The following NXPH1 variants were observed in gnomAD, a reference collection of about 807,000 sequenced individuals.
The protein encoded by NXPH1 is neurexophilin-1.
Under a neutral mutation model 23.7 loss-of-function variants are expected in NXPH1, and 5 were observed. The ratio of observed to expected loss-of-function variants is 0.21; its 90% confidence interval spans 0.11 to 0.44. The LOEUF is 0.44. NXPH1 is among the 20% of genes least tolerant of loss of function. The pLI is 0.99. For synonymous variants in NXPH1, 144 were observed against 122.2 expected, an observed-to-expected ratio of 1.18 and a Z score of -1.18; for missense variants, 324 against 321.6, an observed-to-expected ratio of 1.01 and a Z score of -0.06.
At chr7:8,619,507 T>G (rs548278927) in intron 2 of NXPH1, among the ~76,000 whole-genome samples, 1 of 152,222 alleles carries the variant, frequency 6.6e-6, no homozygotes, top group Non-Finnish European at 1.5e-5. Context: ...ATCAATAATT[T>G]AAGCCTTTAT....
intron 2 of NXPH1, among the ~76,000 whole-genome samples, chr7:8,534,012 T>C (rs866334348): frequency 6.6e-6 from 1 of 152,134 alleles, no homozygotes. Flanking sequence ...TTTGACCAAA[T>C]GTTAACAACA....
chr7:8,695,767 G>A (rs1821299615), intron 2 of NXPH1, among the ~76,000 whole-genome samples: 1 of 152,124 alleles, frequency 6.6e-6, no homozygotes. Context: ...GCCTACAAAT[G>A]TTAAGATTCA....
At chr7:8,456,552 C>A (rs185032539) in intron 2 of NXPH1, among the ~76,000 whole-genome samples, 30 of 152,250 alleles carry the variant, frequency 2.0e-4, no homozygotes, top group Non-Finnish European at 3.5e-4. Context: ...ATCTGCTTCT[C>A]TTCCAGGCCA....
chr7:8,682,993 T>C (rs1821081369), intron 2 of NXPH1, among the ~76,000 whole-genome samples: 1 of 152,240 alleles, frequency 6.6e-6, no homozygotes, highest in Non-Finnish European at 1.5e-5. Context: ...TATATTTTTC[T>C]GTTTTGCATT....
At chr7:8,540,567 G>C (rs2128618408) in intron 2 of NXPH1, among the ~76,000 whole-genome samples, 1 of 151,892 alleles carries the variant, frequency 6.6e-6, no homozygotes, top group African/African-American at 2.4e-5. Flanking sequence ...AGTGAATGGG[G>C]AGGTCAAGGC....
chr7:8,743,397 G>A (rs768925543), intron 2 of NXPH1, among the ~76,000 whole-genome samples: 4 of 116,412 alleles, frequency 3.4e-5, no homozygotes, highest in Admixed American at 9.2e-5. Context: ...ATATATAAAA[G>A]AGATATACAA....
At chr7:8,679,287 A>G (rs1821014548) in intron 2 of NXPH1, among the ~76,000 whole-genome samples, 1 of 152,088 alleles carries the variant, frequency 6.6e-6, no homozygotes, top group Non-Finnish European at 1.5e-5. Flanking sequence ...ATTTTAAGAA[A>G]TAGTTCTGTA....
intron 2 of NXPH1, among the ~76,000 whole-genome samples, chr7:8,552,934 T>C (rs541385929): frequency 5.0e-4 from 76 of 151,656 alleles, no homozygotes; most frequent in African/African-American, 1.8e-3. Context: ...ATGAAGTGTA[T>C]TGAAAAGTAG....
chr7:8,544,427 C>G (rs190332422), intron 2 of NXPH1, among the ~76,000 whole-genome samples: 31 of 151,652 alleles, frequency 2.0e-4, no homozygotes, highest in Admixed American at 1.2e-3. Context: ...CAGTTGAAAA[C>G]CTCTACTTAC....
chr7:8,701,408 G>C lies in NXPH1; in HGVS notation c.55-49600G>C, dbSNP rs144158131. On this transcript the variant is annotated intron_variant, in intron 2 of 2. Transcript: ENST00000405863. Reference sequence around the variant, plus strand: ...CTAGTCTCATCTCCTGTGGCTGCCTGTTCCCTCCTCTTGCACCTCTTGCAT... The same window carrying C: ...CTAGTCTCATCTCCTGTGGCTGCCTCTTCCCTCCTCTTGCACCTCTTGCAT... Among the ~76,000 whole-genome samples, 649 of 152,060 alleles carry C rather than the reference G, an allele frequency of 4.3e-3. 3 individuals carry two copies. Among genetic ancestry groups the C allele is most frequent in the African/African-American group, 0.015 (610 of 41,504 alleles).
At chr7:8,531,875 T>A (rs1396274830) in intron 2 of NXPH1, among the ~76,000 whole-genome samples, 2 of 152,222 alleles carry the variant, frequency 1.3e-5, no homozygotes, top group East Asian at 3.9e-4. Flanking sequence ...TTTTTCTGTG[T>A]CTCATAGTAG....
At chr7:8,750,398 A>G (rs1227129577) in intron 2 of NXPH1, among the ~76,000 whole-genome samples, 1 of 152,178 alleles carries the variant, frequency 6.6e-6, no homozygotes, top group East Asian at 1.9e-4. Context: ...TACATGTGCC[A>G]TGGTGTTTTG....
At chr7:8,692,293 C>T (rs144813939) in intron 2 of NXPH1, among the ~76,000 whole-genome samples, 2 of 152,236 alleles carry the variant, frequency 1.3e-5, no homozygotes, top group East Asian at 1.9e-4. Context: ...ATTAACCACA[C>T]ACGTAAGCCA....
At chr7:8,551,212 T>A (rs1239629993) in intron 2 of NXPH1, among the ~76,000 whole-genome samples, 1 of 151,546 alleles carries the variant, frequency 6.6e-6, no homozygotes, top group East Asian at 2.0e-4. Flanking sequence ...TTTCTATTTT[T>A]AAACTATTTG....
intron 2 of NXPH1, among the ~76,000 whole-genome samples, chr7:8,664,697 T>G (rs1315391024): frequency 6.6e-6 from 1 of 152,088 alleles, no homozygotes; most frequent in Non-Finnish European, 1.5e-5. Flanking sequence ...ACTTCTCATT[T>G]TTTGTCTTTT....
chr7:8,570,866 A>G (rs1164138731), intron 2 of NXPH1, among the ~76,000 whole-genome samples: 3 of 151,844 alleles, frequency 2.0e-5, no homozygotes, highest in East Asian at 1.9e-4. Context: ...CAAAAGAGTC[A>G]TAAGGAGATC....
chr7:8,649,458 A>G (rs761377185), intron 2 of NXPH1, among the ~76,000 whole-genome samples: 1 of 152,220 alleles, frequency 6.6e-6, no homozygotes, highest in Non-Finnish European at 1.5e-5. Flanking sequence ...GCATATACAC[A>G]CACAATTATA....
chr7:8,508,355 T>G (rs1308067427), intron 2 of NXPH1, among the ~76,000 whole-genome samples: 1 of 152,116 alleles, frequency 6.6e-6, no homozygotes, highest in Non-Finnish European at 1.5e-5. Context: ...CTTTGCTTTT[T>G]CCATCTGCAA....
At position 8,751,477 on chromosome 7, in the gene NXPH1, A is replaced by G. The variant is rs1349567361; in HGVS notation, c.524A>G (p.Glu175Gly). 6.2e-7 allele frequency: 1 copy of G among 1,613,784 alleles called. No homozygotes were observed. Among genetic ancestry groups the G allele is most frequent in the Non-Finnish European group, 8.5e-7 (1 of 1,179,842 alleles). Residue 175 changes from glutamate to glycine, a missense_variant, in exon 3 of 3, where the codon GAA (glutamate) becomes GGA (glycine). Transcript: ENST00000405863. The surrounding 1 kb of genome is among the most constrained non-coding windows in gnomAD (Gnocchi z 4.5). ...VSLVPPTKIVEFDLAQQTVID... is the reference protein window; with the variant it reads ...VSLVPPTKIVGFDLAQQTVID... ...TTGGTACCCCCTACAAAAATCGTGG[A>G]ATTTGACTTGGCACAACAAACCGTG... is the stretch of plus-strand genomic sequence containing the variant.
Sources: gnomAD v4.1 joint callset for allele counts (sites outside exome capture counted in the v4.1 genomes callset) on GRCh38, gnomAD v4.1.1 for gene constraint, Gnocchi (gnomAD v3.1) non-coding constraint, MANE v1.5 for transcripts, NCBI Gene and HGNC (gene_info 2026-07-23, HGNC 2026-07-21) for gene names.